Variants in TCP1 observed in about 807,000 individuals in gnomAD.
The protein encoded by TCP1 is t-complex 1.
In TCP1, 6 loss-of-function variants were observed where a neutral mutation model predicts 54.7. That is an observed-to-expected ratio of 0.11 (90% CI 0.06 to 0.22). The LOEUF (loss-of-function observed/expected upper bound fraction) is 0.22. Ranked by LOEUF, TCP1 falls within the 10% of genes least tolerant of loss-of-function variation. TCP1 has a pLI of 1.00. For missense variants in TCP1, 511 were observed against 678.2 expected (o/e 0.75, Z 2.74); for synonymous variants, 225 against 229.7 (o/e 0.98, Z 0.19).
At chr6:159,780,195 A>G (rs1278750404) in intron 9 of TCP1, 108 bp from the exon 10 acceptor site, 1 of 1,408,556 alleles carries the variant, frequency 7.1e-7, no homozygotes, top group Non-Finnish European at 9.8e-7. Flanking sequence ...ATAAGTCTAC[A>G]TAAAGTTCCC....
intron 2 of TCP1, 32 bp from the exon 3 acceptor site, chr6:159,787,903 C>T: frequency 6.2e-7 from 1 of 1,612,440 alleles, no homozygotes; most frequent in Non-Finnish European, 8.5e-7. Flanking sequence ...ATATGAACCA[C>T]TTATAGAAAT....
intron 4 of TCP1, 178 bp from the exon 5 acceptor site, chr6:159,785,674 C>T (rs777780055): frequency 3.8e-6 from 3 of 793,388 alleles, no homozygotes; most frequent in Non-Finnish European, 6.8e-6. Context: ...TTTAATCTAT[C>T]CCATAAGCAT....
At chr6:159,780,910 A>T (rs1379367376) in intron 8 of TCP1, 25 bp downstream of exon 8, 1 of 1,565,684 alleles carries the variant, frequency 6.4e-7, no homozygotes, top group African/African-American at 1.4e-5. Flanking sequence ...AAAGTATTTT[A>T]TGTGACAGCC....
intron 5 of TCP1, 183 bp from the exon 6 acceptor site, chr6:159,785,030 G>A (rs1780660173): frequency 3.0e-6 from 2 of 666,182 alleles, no homozygotes; most frequent in African/African-American, 1.8e-5. Flanking sequence ...TTTTAGACAT[G>A]CTTTTTATTA....
At chr6:159,783,379 ATT>A (rs770127722) in intron 7 of TCP1, among the ~76,000 whole-genome samples, 5 of 118,804 alleles carry the variant, frequency 4.2e-5, no homozygotes, top group Non-Finnish European at 3.3e-5. Context: ...TGTTTAAACT[ATT>A]TTTTTTTTTT....
At position 159,778,878 on chromosome 6, in the gene TCP1, A is replaced by G. The variant is rs1204584263; in HGVS notation, c.*167T>C. ...CAATTTCTTTTTAAACTAATAAAGT[A>G]CTAGGTTGCAATATGTGAAATCAGA... On this transcript the variant is annotated 3_prime_UTR_variant, in exon 12 of 12. Transcript: ENST00000321394. 3.7e-6 allele frequency: 6 copies of G among 1,610,020 alleles called. No individual in the cohort carries two copies. The highest frequency in any genetic ancestry group is 1.3e-5 in the African/African-American group (1 of 74,998).
In TCP1 at chr6:159,789,503, C is replaced by T. The variant is rs370739950; in HGVS notation, c.-35G>A. On this transcript the variant is annotated 5_prime_UTR_variant, in exon 1 of 12. Transcript: ENST00000321394. ...AGCGATACACGTCGAATTCTGCTTA[C>T]ACCGCGGGCAACCAGTATCGCGGCC... The T allele has an allele frequency of 1.2e-6, 2 of 1,613,342 alleles. No homozygotes were observed. The highest frequency in any genetic ancestry group is 1.7e-6 in the Non-Finnish European group (2 of 1,179,516).
chr6:159,786,830 A>G (rs1780708582), intron 3 of TCP1, among the ~76,000 whole-genome samples: 1 of 152,218 alleles, frequency 6.6e-6, no homozygotes, highest in Non-Finnish European at 1.5e-5. Flanking sequence ...TGGATGATCT[A>G]TGAAGAGTTT....
rs1295285452 is a variant in TCP1, at chr6:159,779,876, A to C, written c.1290+19T>G. On this transcript the variant is annotated intron_variant, in intron 10 of 11. Coordinates refer to ENST00000321394, the MANE Select transcript of TCP1 (RefSeq NM_030752.3). ...GCTACTGCTCTCAGGCCTCTAAGACAAGAAATGACTGTTCTTACCATGCTG... is the reference window on the plus strand; with the variant it reads ...GCTACTGCTCTCAGGCCTCTAAGACCAGAAATGACTGTTCTTACCATGCTG... 6.2e-7 allele frequency: 1 copy of C among 1,611,746 alleles called. No homozygotes were observed. Among genetic ancestry groups the C allele is most frequent in the Admixed American group, 1.7e-5 (1 of 59,468 alleles).
rs750964687 is a variant in TCP1 at position 159,781,047 on chromosome 6, T to G, written c.861A>C (p.Leu287=). 9.9e-6 allele frequency: 16 copies of G among 1,613,064 alleles called. No homozygotes were observed. Among genetic ancestry groups the G allele is most frequent in the Non-Finnish European group, 1.4e-5 (16 of 1,179,694 alleles). Residue 287 remains leucine, a synonymous_variant, in exon 8 of 12, where the codon CTA becomes CTC. Transcript: ENST00000321394. ...KILATGANVI[L]TTGGIDDMCL... is the part of the protein sequence containing the mutation. ...ACATATCATCAATTCCACCAGTGGT[T>G]AGAATAACATTGGCACCAGTTGCCA...
chr6:159,784,239 T>G (rs560216705), intron 6 of TCP1, among the ~76,000 whole-genome samples, 172 bp from the exon 7 acceptor site: 1 of 152,346 alleles, frequency 6.6e-6, no homozygotes, highest in South Asian at 2.1e-4. Context: ...ACATTCCTTC[T>G]ACCATGTTGT....
At position 159,785,374 on chromosome 6, in the gene TCP1, C is replaced by T. The variant is rs748579340; in HGVS notation, c.488+12G>A. 5.6e-6 allele frequency: 9 copies of T among 1,598,422 alleles called. No homozygotes were observed. In the South Asian group the frequency reaches 9.9e-5, roughly 18 times the overall value. ...AAAAAGTCTAAATTTTATCTGACAACCACAAGGATACATTCCAATGATTTT... is the reference window on the plus strand; with the variant it reads ...AAAAAGTCTAAATTTTATCTGACAATCACAAGGATACATTCCAATGATTTT... On this transcript the variant is annotated intron_variant, in intron 5 of 11. Transcript: ENST00000321394.
chr6:159,786,299 A>G (rs1222874598), intron 3 of TCP1, among the ~76,000 whole-genome samples: 1 of 151,648 alleles, frequency 6.6e-6, no homozygotes, highest in Non-Finnish European at 1.5e-5. Context: ...TTTATACATC[A>G]TCTTTCCTCT....
At chr6:159,783,804 G>A (rs1780631149) in intron 7 of TCP1, 137 bp downstream of exon 7, 3 of 1,155,094 alleles carry the variant, frequency 2.6e-6, no homozygotes, top group South Asian at 1.7e-5. Flanking sequence ...TTTCATATAG[G>A]TTGTATAACC....
chr6:159,779,442 G>T, intron 11 of TCP1, 181 bp from the exon 12 acceptor site: 1 of 944,936 alleles, frequency 1.1e-6, no homozygotes, highest in Non-Finnish European at 1.6e-6. Context: ...AGACACACCA[G>T]TGCTAATAAT....
intron 3 of TCP1, among the ~76,000 whole-genome samples, chr6:159,786,769 G>C (rs917561992): frequency 2.0e-5 from 3 of 152,112 alleles, no homozygotes; most frequent in Non-Finnish European, 4.4e-5. Context: ...AGTTTCTCCA[G>C]AATTAACATC....
chr6:159,787,084 A>AAAAAAAAG (rs1780717574), intron 3 of TCP1, among the ~76,000 whole-genome samples: 1 of 151,512 alleles, frequency 6.6e-6, no homozygotes, highest in Non-Finnish European at 1.5e-5. Flanking sequence ...CTCTTAAAAA[A>AAAAAAAAG]AAAAAAAAGA....
At position 159,780,923 on chromosome 6, in the gene TCP1, C is replaced by T; in HGVS notation, c.973+12G>A. 6.3e-7 allele frequency: 1 copy of T among 1,589,786 alleles called. No homozygotes were observed. Among genetic ancestry groups the T allele is most frequent in the Non-Finnish European group, 8.5e-7 (1 of 1,172,560 alleles). On this transcript the variant is annotated intron_variant, in intron 8 of 11. Transcript: ENST00000321394. The stretch of plus-strand genomic sequence containing the variant: ...TAAAAGTATTTTATGTGACAGCCAG[C>T]ACAAGACATACCTCCAGAAGCTTTG...
chr6:159,780,946 T>G lies in TCP1; in HGVS notation c.962A>C (p.Lys321Thr). 1 of 1,604,170 alleles carries G rather than the reference T, an allele frequency of 6.2e-7. No individual in the cohort carries two copies. Among genetic ancestry groups the G allele is most frequent in the Non-Finnish European group, 8.5e-7 (1 of 1,177,420 alleles). The change falls in exon 8 of 12, where the codon AAA becomes ACA. Residue 321 changes from lysine (K) to threonine (T), a missense_variant. Around this residue, in one of 5 missense-constraint regions of TCP1, gnomAD observed 305 missense variants for 352.8 expected, o/e 0.86. Transcript: ENST00000321394. The stretch of plus-strand genomic sequence containing the variant: ...AGCACAAGACATACCTCCAGAAGCT[T>G]TGGCAATGCGTTTAAGGTCCCTTTT... ...VLKRDLKRIA[K>T]ASGATILSTL...
Sources: gnomAD v4.1 joint callset for allele counts (sites outside exome capture counted in the v4.1 genomes callset) on GRCh38, gnomAD v4.1.1 for gene constraint, gnomAD v4.1.1 regional missense constraint, MANE v1.5 for transcripts, NCBI Gene and HGNC (gene_info 2026-07-23, HGNC 2026-07-21) for gene names.